Variants in MICU1 observed in about 807,000 individuals in gnomAD.
MICU1 encodes calcium uptake protein 1, mitochondrial.
A neutral mutation model predicts 56.8 loss-of-function variants in MICU1; 45 were observed. The ratio of observed to expected loss-of-function variants is 0.79; its 90% CI spans 0.62 to 1.02. MICU1 has a LOEUF of 1.02. Among genes scored for constraint, MICU1 ranks in the 50% least tolerant of loss-of-function variants. MICU1 has a pLI of 0.00. For synonymous variants in MICU1, 186 were observed against 195.1 expected (o/e 0.95, Z 0.39); for missense variants, 504 against 587.1 (o/e 0.86, Z 1.46).
intron 5 of MICU1, among the ~76,000 whole-genome samples, chr10:72,522,599 A>G (rs1013859004): frequency 1.3e-5 from 2 of 152,178 alleles, no homozygotes; most frequent in Non-Finnish European, 2.9e-5. Flanking sequence ...GAGACTGGAA[A>G]GAGACATTAT....
At chr10:72,496,300 CTT>C (rs565571067) in intron 6 of MICU1, among the ~76,000 whole-genome samples, 20 of 134,222 alleles carry the variant, frequency 1.5e-4, no homozygotes, top group African/African-American at 1.9e-4. Flanking sequence ...TGGCTAATTC[CTT>C]TTTTTTTTTT....
chr10:72,616,611 C>T (rs1436443660), intron 1 of MICU1, among the ~76,000 whole-genome samples: 1 of 145,946 alleles, frequency 6.9e-6, no homozygotes, highest in Non-Finnish European at 1.5e-5. Context: ...AAAGACTCTA[C>T]ATAATGACCT....
In MICU1 at chr10:72,595,138, T is replaced by C. The variant is rs145723038; in HGVS notation, c.-1-28344A>G. ...AAGAATAGAGACCTAGTGGGAGAAA[T>C]GATCATGCCTGTACATAAGACCATA... On this transcript the variant is annotated intron_variant, in intron 1 of 11. Coordinates refer to ENST00000361114, the MANE Select transcript of MICU1 (RefSeq NM_001195518.2). Among the ~76,000 whole-genome samples the C allele has an allele frequency of 1.2e-3, 181 of 151,814 alleles. 1 individual carries two copies. The highest frequency in any genetic ancestry group is 4.2e-3 in the African/African-American group (173 of 41,422).
At chr10:72,457,764 C>T (rs1398715300) in intron 8 of MICU1, among the ~76,000 whole-genome samples, 1 of 151,828 alleles carries the variant, frequency 6.6e-6, no homozygotes, top group African/African-American at 2.4e-5. Context: ...TCACCACCAC[C>T]ACAACAAAAA....
At chr10:72,382,448 C>T (rs553214404) in intron 10 of MICU1, among the ~76,000 whole-genome samples, 4 of 152,096 alleles carry the variant, frequency 2.6e-5, no homozygotes, top group East Asian at 1.9e-4. Context: ...AGACCAACTG[C>T]GCATGTATGG....
intron 2 of MICU1, among the ~76,000 whole-genome samples, chr10:72,565,639 TAA>T (rs11321481): frequency 4.6e-4 from 68 of 148,470 alleles, no homozygotes; most frequent in Middle Eastern, 3.5e-3. Context: ...TAAAGTATAA[TAA>T]AAAAAAAAAA....
At chr10:72,427,733 A>AATATATATATATATATAT (rs58696519) in intron 8 of MICU1, among the ~76,000 whole-genome samples, 2 of 136,344 alleles carry the variant, frequency 1.5e-5, no homozygotes, top group East Asian at 3.2e-4. Context: ...CCATCTCTAA[A>AATATATATATATATATAT]ATATATATAT....
intron 1 of MICU1, among the ~76,000 whole-genome samples, chr10:72,574,988 A>C (rs1413600722): frequency 1.3e-5 from 2 of 152,250 alleles, no homozygotes; most frequent in Non-Finnish European, 2.9e-5. Context: ...TTCTCAAAAT[A>C]GGAGATGCCC....
intron 8 of MICU1, among the ~76,000 whole-genome samples, chr10:72,446,657 T>G (rs919210702): frequency 6.6e-6 from 1 of 152,212 alleles, no homozygotes; most frequent in Non-Finnish European, 1.5e-5. Flanking sequence ...AGATATTAAC[T>G]AAATATTTTT....
At chr10:72,601,649 T>C (rs1175242338) in intron 1 of MICU1, among the ~76,000 whole-genome samples, 2 of 151,984 alleles carry the variant, frequency 1.3e-5, no homozygotes, top group African/African-American at 4.8e-5. Flanking sequence ...GTAATTTTTC[T>C]GTGATACAGG....
At chr10:72,556,460 C>A (rs539627113) in intron 3 of MICU1, among the ~76,000 whole-genome samples, 43 of 152,168 alleles carry the variant, frequency 2.8e-4, no homozygotes, top group African/African-American at 9.6e-4. Flanking sequence ...CATGCCTCAG[C>A]CACCCAAGTA....
intron 5 of MICU1, among the ~76,000 whole-genome samples, chr10:72,528,462 T>G (rs1490442429): frequency 2.6e-5 from 4 of 152,194 alleles, no homozygotes; most frequent in African/African-American, 4.8e-5. Context: ...AATATATTAA[T>G]TAACCAAGAA....
At chr10:72,495,119 A>G (rs549231886) in intron 6 of MICU1, among the ~76,000 whole-genome samples, 1 of 152,304 alleles carries the variant, frequency 6.6e-6, no homozygotes, top group East Asian at 1.9e-4. Context: ...AGATTCTAGA[A>G]GGCAAGCCAG....
At chr10:72,493,217 A>ACACACACACACACC (rs1353988920) in intron 6 of MICU1, among the ~76,000 whole-genome samples, 1 of 151,548 alleles carries the variant, frequency 6.6e-6, no homozygotes, top group African/African-American at 2.4e-5. Context: ...ACACACCCAC[A>ACACACACACACACC]CACACATACA....
intron 1 of MICU1, among the ~76,000 whole-genome samples, chr10:72,569,232 TA>T (rs1219108533): frequency 0.019 from 1,067 of 54,966 alleles, 30 homozygotes; most frequent in South Asian, 0.076. Context: ...TATATATATA[TA>T]TATATTTTTT....
At chr10:72,424,271 C>G (rs149454349) in intron 8 of MICU1, among the ~76,000 whole-genome samples, 3,498 of 152,122 alleles carry the variant, frequency 0.023, 122 homozygotes, top group African/African-American at 0.081. Context: ...CACCACCACG[C>G]CTGGCTAATT....
In MICU1 at chr10:72,411,708, C is replaced by G. The variant is rs530028338; in HGVS notation, c.1072-3671G>C. Reference sequence around the variant, plus strand: ...GAGGCTAAAAGGTTAACATAAAATTCCTAAAACAGTTAGGGCATGGTAGAG... The same window carrying G: ...GAGGCTAAAAGGTTAACATAAAATTGCTAAAACAGTTAGGGCATGGTAGAG... On this transcript the variant is annotated intron_variant, in intron 9 of 11. Transcript: ENST00000361114. 3.7e-4 allele frequency among the ~76,000 whole-genome samples: 57 copies of G among 152,196 alleles called. No homozygotes were observed. The South Asian group carries it at 0.012, about 32-fold the overall frequency.
intron 4 of MICU1, among the ~76,000 whole-genome samples, chr10:72,545,900 T>C (rs142947383): frequency 6.6e-6 from 1 of 152,370 alleles, no homozygotes; most frequent in East Asian, 1.9e-4. Flanking sequence ...CTAGTCAGGC[T>C]GGAATGTGGT....
intron 10 of MICU1, among the ~76,000 whole-genome samples, chr10:72,389,355 C>A (rs1003047368): frequency 2.0e-5 from 3 of 152,180 alleles, no homozygotes; most frequent in Non-Finnish European, 4.4e-5. Flanking sequence ...GTCATCTCTG[C>A]CATCCTTGTC....
Sources: gnomAD v4.1 joint callset for allele counts (sites outside exome capture counted in the v4.1 genomes callset) on GRCh38, gnomAD v4.1.1 for gene constraint, MANE v1.5 for transcripts, NCBI Gene and HGNC (gene_info 2026-07-23, HGNC 2026-07-21) for gene names.